PDZD2: variants seen among roughly 807,000 people sequenced by gnomAD.
PDZD2 encodes PDZ domain containing 2.
A neutral mutation model predicts 220.7 loss-of-function variants in PDZD2; 90 were observed. The observed-to-expected ratio is 0.41, with a 90% CI of 0.34 to 0.49. The LOEUF is 0.49. PDZD2 is among the 20% of genes least tolerant of loss of function. The probability of loss-of-function intolerance (pLI) is 0.28; values close to 1 mark genes in which losing one functional copy is unlikely to be tolerated. For synonymous variants in PDZD2, 1,375 were observed against 1,450.5 expected, an observed-to-expected ratio of 0.95 and a Z score of 1.18; for missense variants, 3,174 against 3,608.5, an observed-to-expected ratio of 0.88 and a Z score of 3.08.
chr5:31,852,233 T>G (rs1758099755), intron 2 of PDZD2, among the ~76,000 whole-genome samples: 1 of 152,204 alleles, frequency 6.6e-6, no homozygotes, highest in South Asian at 2.1e-4. Flanking sequence ...GGGGGCAGAA[T>G]ATTTCTTTGC....
At chr5:32,065,448 T>TAAGAA (rs1159391385) in intron 14 of PDZD2, among the ~76,000 whole-genome samples, 4 of 152,218 alleles carry the variant, frequency 2.6e-5, no homozygotes, top group African/African-American at 9.6e-5. Flanking sequence ...AAGAAGTCTA[T>TAAGAA]GCCAAGAGAC....
chr5:31,999,280 G>GTTT (rs60415381), intron 4 of PDZD2, among the ~76,000 whole-genome samples: 1 of 127,690 alleles, frequency 7.8e-6, no homozygotes, highest in Admixed American at 8.4e-5. Flanking sequence ...GGCGGGATTT[G>GTTT]TTTTTTTTTT....
intron 17 of PDZD2, 90 bp from the exon 18 acceptor site, chr5:32,073,742 T>C: frequency 1.2e-6 from 1 of 814,156 alleles, no homozygotes; most frequent in Non-Finnish European, 2.0e-6. Context: ...AATGTGGAAA[T>C]GCTTATGTGT....
At chr5:31,857,416 T>TAA (rs1367083706) in intron 2 of PDZD2, among the ~76,000 whole-genome samples, 2 of 152,202 alleles carry the variant, frequency 1.3e-5, no homozygotes, top group Non-Finnish European at 2.9e-5. Context: ...CTTTTGCTGG[T>TAA]AAAATACACC....
At chr5:31,994,893 C>A (rs1751511008) in intron 3 of PDZD2, among the ~76,000 whole-genome samples, 1 of 152,158 alleles carries the variant, frequency 6.6e-6, no homozygotes, top group Non-Finnish European at 1.5e-5. Flanking sequence ...CCTATTTGCA[C>A]AAATGTCTCA....
At chr5:31,817,598 A>G (rs1429095772) in intron 2 of PDZD2, among the ~76,000 whole-genome samples, 2 of 152,242 alleles carry the variant, frequency 1.3e-5, no homozygotes, top group Admixed American at 6.5e-5. Context: ...ATCTTGAAGT[A>G]TATTTAACTA....
chr5:32,057,807 T>G (rs576484426), intron 11 of PDZD2, 71 bp from the exon 12 acceptor site: 27 of 1,428,748 alleles, frequency 1.9e-5, no homozygotes, highest in Middle Eastern at 1.8e-4. Flanking sequence ...GTGAGTTGTT[T>G]TTTTTTTTTA....
intron 5 of PDZD2, among the ~76,000 whole-genome samples, chr5:32,008,888 C>G (rs897564438): frequency 6.6e-6 from 1 of 152,138 alleles, no homozygotes; most frequent in East Asian, 1.9e-4. Flanking sequence ...GGGCCTCAGT[C>G]GTGAAAGGAA....
chr5:31,696,817 G>C (rs1010250729), intron 1 of PDZD2, among the ~76,000 whole-genome samples: 1 of 152,148 alleles, frequency 6.6e-6, no homozygotes. Flanking sequence ...CTGACCAATA[G>C]GGACAGCTTT....
intron 2 of PDZD2, among the ~76,000 whole-genome samples, chr5:31,905,224 A>G (rs935119374): frequency 1.3e-5 from 2 of 151,906 alleles, no homozygotes; most frequent in Non-Finnish European, 2.9e-5. Flanking sequence ...CAGGTGATCC[A>G]CCGCCCTCCT....
chr5:31,805,017 A>G (rs979899789), intron 2 of PDZD2, among the ~76,000 whole-genome samples: 2 of 152,178 alleles, frequency 1.3e-5, no homozygotes, highest in Admixed American at 6.5e-5. Flanking sequence ...AACATGGCGA[A>G]ACCCTGCCTC....
At chr5:31,729,221 C>G (rs1171794064) in intron 1 of PDZD2, among the ~76,000 whole-genome samples, 1 of 150,744 alleles carries the variant, frequency 6.6e-6, no homozygotes. Flanking sequence ...CTTAGCCTCC[C>G]GAGTAGCTGG....
chr5:31,894,485 G>A (rs760849005), intron 2 of PDZD2, among the ~76,000 whole-genome samples: 1 of 151,826 alleles, frequency 6.6e-6, no homozygotes, highest in Non-Finnish European at 1.5e-5. Flanking sequence ...CAGCTTTTAT[G>A]TATTGCACTA....
At chr5:32,049,578 G>A (rs1030127997) in intron 8 of PDZD2, among the ~76,000 whole-genome samples, 101 of 152,270 alleles carry the variant, frequency 6.6e-4, no homozygotes, top group African/African-American at 2.3e-3. Context: ...AATCTCAAAG[G>A]GGTTAAGTAT....
chr5:31,640,876 TAGGA>T (rs1409260365), intron 1 of PDZD2, among the ~76,000 whole-genome samples: 1 of 145,080 alleles, frequency 6.9e-6, no homozygotes, highest in Non-Finnish European at 1.5e-5. Context: ...GGGTTAGGTG[TAGGA>T]GTAGGGGGGT....
At position 32,087,876 on chromosome 5, in the gene PDZD2, G is replaced by T. The variant is rs201389385; in HGVS notation, c.4428G>T (p.Pro1476=). The T allele has an allele frequency of 4.3e-6, 7 of 1,611,798 alleles. No individual in the cohort carries two copies. Among genetic ancestry groups the T allele is most frequent in the Admixed American group, 3.3e-5 (2 of 59,772 alleles). ...GCTCCTGCCGTGCCGAACCAGTCCC[G>T]GGGGGCCAGACCTCCTCCCCGAGGA... is the stretch of plus-strand genomic sequence containing the variant. The part of the protein sequence containing the change: ...GGSSCRAEPV[P]GGQTSSPRRA... Residue 1476 remains proline, a synonymous_variant, in exon 20 of 25, where the codon CCG becomes CCT. Coordinates refer to ENST00000438447, the MANE Select transcript of PDZD2 (RefSeq NM_178140.4). This position sits in a 1 kb window ranked among gnomAD's most constrained non-coding sequence, Gnocchi z 4.0.
intron 2 of PDZD2, among the ~76,000 whole-genome samples, chr5:31,928,452 G>C (rs559932697): frequency 1.3e-5 from 2 of 152,084 alleles, no homozygotes; most frequent in East Asian, 3.9e-4. Context: ...GGAAAAACTA[G>C]ATTAAGGTCA....
chr5:31,763,640 C>T (rs1285631202), intron 1 of PDZD2, among the ~76,000 whole-genome samples: 3 of 151,858 alleles, frequency 2.0e-5, no homozygotes, highest in Admixed American at 2.0e-4. Context: ...AAGAGGTAGC[C>T]CCAGACCCTC....
chr5:31,885,173 A>G (rs1740340921), intron 2 of PDZD2, among the ~76,000 whole-genome samples: 1 of 151,110 alleles, frequency 6.6e-6, no homozygotes. Context: ...AAAAAAAAAA[A>G]GAAAAAGAAA....
Sources: gnomAD v4.1 joint callset for allele counts (sites outside exome capture counted in the v4.1 genomes callset) on GRCh38, gnomAD v4.1.1 for gene constraint, Gnocchi (gnomAD v3.1) non-coding constraint, MANE v1.5 for transcripts, NCBI Gene and HGNC (gene_info 2026-07-23, HGNC 2026-07-21) for gene names.